Variants in MYOG observed in about 807,000 individuals in gnomAD.
MYOG encodes the protein myogenin.
Under a neutral mutation model 17.7 loss-of-function variants are expected in MYOG, and 6 were observed. The observed-to-expected ratio is 0.34, with a 90% CI of 0.19 to 0.67. MYOG has a LOEUF of 0.67. MYOG is among the 30% of genes least tolerant of loss of function. The pLI is 0.69. For missense variants in MYOG, 272 were observed against 302.0 expected, an observed-to-expected ratio of 0.90 and a Z score of 0.74; for synonymous variants, 125 against 130.2, an observed-to-expected ratio of 0.96 and a Z score of 0.27.
At position 203,083,296 on chromosome 1, in the gene MYOG, G is replaced by T; in HGVS notation, c.*614C>A. The T allele has an allele frequency of 5.8e-6, 1 of 170,996 alleles. No homozygotes were observed. The highest frequency in any genetic ancestry group is 2.0e-4 in the South Asian group (1 of 4,944). The allele number at this position is 170,996 out of a possible 1,614,324, so 10.6% of individuals were successfully genotyped here. ...CAACCCCTTTTCCCTGCCTGTCCCC[G>T]GCAACTTCAGCACAGGAGACCTTGG... On this transcript the variant is annotated 3_prime_UTR_variant, in exon 3 of 3. Coordinates refer to ENST00000241651, the MANE Select transcript of MYOG (RefSeq NM_002479.6).
chr1:203,084,195 AGT>A (rs3835486), intron 2 of MYOG, among the ~76,000 whole-genome samples, 164 bp from the exon 3 acceptor site: 3,228 of 135,430 alleles, frequency 0.024, 116 homozygotes, highest in African/African-American at 0.077. Context: ...ATGCTCTGTG[AGT>A]GTGTGTGTGT....
At position 203,083,284 on chromosome 1, in the gene MYOG, C is replaced by T. The variant is rs1653533172; in HGVS notation, c.*626G>A. On this transcript the variant is annotated 3_prime_UTR_variant, in exon 3 of 3. Transcript: ENST00000241651. ...CCCAAGAGGCCCCAACCCCTTTTCC[C>T]TGCCTGTCCCCGGCAACTTCAGCAC... 2 of 171,098 alleles carry T rather than the reference C, an allele frequency of 1.2e-5. No homozygotes were observed. Among genetic ancestry groups the T allele is most frequent in the Admixed American group, 6.3e-5 (1 of 15,786 alleles). 10.6% of individuals were successfully genotyped at this position (171,098 alleles called of 1,614,324 possible). A position where few individuals can be genotyped will look rare whatever the true frequency, so the allele number is the denominator to read the frequency against.
intron 1 of MYOG, among the ~76,000 whole-genome samples, chr1:203,085,217 G>C (rs1484410172): frequency 6.6e-6 from 1 of 152,206 alleles, no homozygotes; most frequent in Non-Finnish European, 1.5e-5. Context: ...TGGGCTGACT[G>C]TGGCCTTGCT....
chr1:203,085,461 TTGGGGCAGGGGGATGGGA>T lies in MYOG; in HGVS notation c.471+12_471+29del. The T allele has an allele frequency of 6.3e-7, 1 of 1,579,730 alleles. No individual in the cohort carries two copies. Among genetic ancestry groups the T allele is most frequent in the South Asian group, 1.1e-5 (1 of 87,634 alleles). ...GGTGCCTCCCTCTGGCCCCGTCCCC[TTGGGGCAGGGGGATGGGA>T]TGGCCACTTACCCCTGGCTGGGGCC... On this transcript the variant is annotated intron_variant, in intron 1 of 2. Coordinates refer to ENST00000241651, the MANE Select transcript of MYOG (RefSeq NM_002479.6).
rs202074809 is a variant in MYOG, at chr1:203,084,739, G to A, written c.472-11C>T. ...GCATTCGCTGGGCACCTGCAAGACA[G>A]GGCGAAGGCCCAAGGTCGGGGCACA... On this transcript the variant is annotated splice_polypyrimidine_tract_variant and intron_variant, in intron 1 of 2. Coordinates refer to ENST00000241651, the MANE Select transcript of MYOG (RefSeq NM_002479.6). The A allele has an allele frequency of 2.6e-5, 41 of 1,601,674 alleles. No individual in the cohort carries two copies. In the East Asian group the frequency reaches 8.6e-4, roughly 34 times the overall value.
rs76972905 is a variant in MYOG, at chr1:203,083,569, G to A, written c.*341C>T. The A allele has an allele frequency of 3.8e-6, 2 of 524,240 alleles. No individual in the cohort carries two copies. Among genetic ancestry groups the A allele is most frequent in the South Asian group, 3.6e-5 (1 of 27,796 alleles). 32.5% of individuals were successfully genotyped at this position (524,240 alleles called of 1,614,324 possible). A position where few individuals can be genotyped will look rare whatever the true frequency, so the allele number is the denominator to read the frequency against. ...CTGCGTCTCTCAAACCGTTTCACTT[G>A]GGGGGTGGAATTAGAGGCCGCGTTA... On this transcript the variant is annotated 3_prime_UTR_variant, in exon 3 of 3. Coordinates refer to ENST00000241651, the MANE Select transcript of MYOG (RefSeq NM_002479.6).
At chr1:203,084,617 A>T (rs776855561) in intron 2 of MYOG, 30 bp downstream of exon 2, 1 of 1,583,064 alleles carries the variant, frequency 6.3e-7, no homozygotes, top group Admixed American at 1.7e-5. Flanking sequence ...GAGGGATTGG[A>T]GCCAAGGTTA....
intron 2 of MYOG, 138 bp downstream of exon 2, chr1:203,084,509 T>G: frequency 1.3e-6 from 1 of 743,400 alleles, no homozygotes; most frequent in Non-Finnish European, 2.3e-6. Context: ...AGCCCACCCT[T>G]TGGGCCTTGG....
chr1:203,084,668 C>T lies in MYOG; in HGVS notation c.532G>A (p.Glu178Lys), dbSNP rs780933425. ...SCSPEWGSALEFSANPGDHLL... is the reference protein window; with the variant it reads ...SCSPEWGSALKFSANPGDHLL... ...TTACCCCCTGGGTTGGCGCTGAACTCCAGTGCACTGCCCCACTCTGGACTG... is the reference window on the plus strand; with the variant it reads ...TTACCCCCTGGGTTGGCGCTGAACTTCAGTGCACTGCCCCACTCTGGACTG... Residue 178 changes from glutamate (E) to lysine (K), a missense_variant, in exon 2 of 3, where the codon GAG (glutamate) becomes AAG (lysine). Glu to Lys is a moderately conservative substitution (Grantham distance 56). Coordinates refer to ENST00000241651, the MANE Select transcript of MYOG (RefSeq NM_002479.6). 10 of 1,611,398 alleles carry T rather than the reference C, an allele frequency of 6.2e-6. No individual in the cohort carries two copies. In the South Asian group the frequency reaches 1.1e-4, roughly 18 times the overall value.
chr1:203,085,548 G>A lies in MYOG; in HGVS notation c.414C>T (p.Ser138=). 1.2e-6 allele frequency: 2 copies of A among 1,614,158 alleles called. No homozygotes were observed. The highest frequency in any genetic ancestry group is 1.1e-5 in the South Asian group (1 of 91,088). Residue 138 remains serine, a synonymous_variant, in exon 1 of 3, where the codon TCC becomes TCT. Coordinates refer to ENST00000241651, the MANE Select transcript of MYOG (RefSeq NM_002479.6). The part of the protein sequence containing the change: ...YIERLQALLS[S]LNQEERDLRY... ...GGAGGTCACGCTCCTCCTGGTTGAGGGAGCTGAGCAGGGCCTGGAGGCGCT... is the reference window on the plus strand; with the variant it reads ...GGAGGTCACGCTCCTCCTGGTTGAGAGAGCTGAGCAGGGCCTGGAGGCGCT...
At chr1:203,084,261 T>C (rs1344132875) in intron 2 of MYOG, among the ~76,000 whole-genome samples, 1 of 146,996 alleles carries the variant, frequency 6.8e-6, no homozygotes, top group East Asian at 2.0e-4. Flanking sequence ...ACTCCCCTAG[T>C]AGGTAGGGTT....
At position 203,085,731 on chromosome 1, in the gene MYOG, C is replaced by G; in HGVS notation, c.231G>C (p.Ser77=). The change falls in exon 1 of 3, where the codon TCG becomes TCC. Residue 77 remains serine (S), a synonymous_variant. Transcript: ENST00000241651. ...CCGCCCGCCGCCGGTCCACGGACACCGACTTCCTCTTACACACCTTACACG... is the reference window on the plus strand; with the variant it reads ...CCGCCCGCCGCCGGTCCACGGACACGGACTTCCTCTTACACACCTTACACG... ...PWACKVCKRK[S]VSVDRRRAAT... is the part of the protein sequence containing the mutation. The G allele has an allele frequency of 1.2e-6, 2 of 1,614,112 alleles. No individual in the cohort carries two copies. Among genetic ancestry groups the G allele is most frequent in the Non-Finnish European group, 8.5e-7 (1 of 1,180,000 alleles).
chr1:203,085,720 T>A lies in MYOG; in HGVS notation c.242A>T (p.Asp81Val). ...CCTCAGTGTGGCCGCCCGCCGCCGG[T>A]CCACGGACACCGACTTCCTCTTACA... ...KVCKRKSVSVDRRRAATLREK... is the reference protein window; with the variant it reads ...KVCKRKSVSVVRRRAATLREK... Residue 81 changes from aspartate to valine, a missense_variant, in exon 1 of 3, where the codon GAC becomes GTC. By Grantham distance (152) the Asp-to-Val change is radical. Coordinates refer to ENST00000241651, the MANE Select transcript of MYOG (RefSeq NM_002479.6). 6.2e-7 allele frequency: 1 copy of A among 1,614,106 alleles called. No homozygotes were observed. Among genetic ancestry groups the A allele is most frequent in the Non-Finnish European group, 8.5e-7 (1 of 1,179,996 alleles).
rs1571761514 is a variant in MYOG at position 203,084,672 on chromosome 1, T to G, written c.528A>C (p.Ala176=). The G allele has an allele frequency of 1.2e-5, 20 of 1,611,448 alleles. No individual in the cohort carries two copies. The East Asian group carries it at 4.2e-4, about 34-fold the overall frequency. Residue 176 remains alanine, a synonymous_variant, in exon 2 of 3, where the codon GCA becomes GCC. Transcript: ENST00000241651. The part of the protein sequence containing the change: ...SASCSPEWGS[A]LEFSANPGDH... The stretch of plus-strand genomic sequence containing the variant: ...CCCCTGGGTTGGCGCTGAACTCCAG[T>G]GCACTGCCCCACTCTGGACTGCAGG...
chr1:203,083,485 C>T lies in MYOG; in HGVS notation c.*425G>A. ...CAATTCAGGGCAGGCCCAGCCCAGC[C>T]ACTGGCATCGGGAAGAGACCAGAAC... On this transcript the variant is annotated 3_prime_UTR_variant, in exon 3 of 3. Coordinates refer to ENST00000241651, the MANE Select transcript of MYOG (RefSeq NM_002479.6). 2.4e-6 allele frequency: 1 copy of T among 417,686 alleles called. No individual in the cohort carries two copies. Among genetic ancestry groups the T allele is most frequent in the Non-Finnish European group, 4.2e-6 (1 of 236,346 alleles). 25.9% of individuals were successfully genotyped at this position (417,686 alleles called of 1,614,324 possible).
Position 203,084,050 on chromosome 1 carries a change from A to G in MYOG, c.554-19T>C, listed in dbSNP as rs1287466199. On this transcript the variant is annotated intron_variant, in intron 2 of 2. Coordinates refer to ENST00000241651, the MANE Select transcript of MYOG (RefSeq NM_002479.6). ...AGATGATCTGTAAGGGGAGGTGGGA[A>G]GGTGGTACCTGGGTGAGCAGTGGGG... 3 of 1,591,832 alleles carry G rather than the reference A, an allele frequency of 1.9e-6. No homozygotes were observed. Among genetic ancestry groups the G allele is most frequent in the East Asian group, 4.5e-5 (2 of 44,258 alleles).
At position 203,083,957 on chromosome 1, in the gene MYOG, C is replaced by T. The variant is rs1050581701; in HGVS notation, c.628G>A (p.Val210Met). 1.9e-6 allele frequency: 3 copies of T among 1,591,866 alleles called. No individual in the cohort carries two copies. The African/African-American group carries it at 4.0e-5, about 21-fold the overall frequency. ...SLTSIVDSITVEDVSVAFPDE... is the reference protein window; with the variant it reads ...SLTSIVDSITMEDVSVAFPDE... ...GGGAAGGCCACAGACACATCTTCCA[C>T]TGTGATGCTGTCCACGATGGAGGTG... The change falls in exon 3 of 3, where the codon GTG becomes ATG. Residue 210 changes from valine to methionine, a missense_variant. By Grantham distance (21) the Val-to-Met change is conservative (BLOSUM62 1). Transcript: ENST00000241651.
rs1237948645 is a variant in MYOG at position 203,085,748 on chromosome 1, C to A, written c.214G>T (p.Val72Leu). Reference protein sequence around the residue: ...PGQCLPWACKVCKRKSVSVDR... With the variant: ...PGQCLPWACKLCKRKSVSVDR... Reference sequence around the variant, plus strand: ...ACGGACACCGACTTCCTCTTACACACCTTACACGCCCACGGCAGGCACTGG... The same window carrying A: ...ACGGACACCGACTTCCTCTTACACAACTTACACGCCCACGGCAGGCACTGG... The change falls in exon 1 of 3, where the codon GTG becomes TTG. Residue 72 changes from valine to leucine, a missense_variant. Physicochemically the swap from Val to Leu is conservative, Grantham distance 32. Coordinates refer to ENST00000241651, the MANE Select transcript of MYOG (RefSeq NM_002479.6). 6.2e-7 allele frequency: 1 copy of A among 1,614,118 alleles called. No individual in the cohort carries two copies. The highest frequency in any genetic ancestry group is 8.5e-7 in the Non-Finnish European group (1 of 1,179,994).
chr1:203,084,081 T>G, intron 2 of MYOG, 50 bp from the exon 3 acceptor site: 1 of 1,572,608 alleles, frequency 6.4e-7, no homozygotes, highest in Non-Finnish European at 8.6e-7. Context: ...TGGGGGTTCT[T>G]GAGGCCCAGA....
Sources: gnomAD v4.1 joint callset for allele counts (sites outside exome capture counted in the v4.1 genomes callset) on GRCh38, gnomAD v4.1.1 for gene constraint, MANE v1.5 for transcripts, NCBI Gene and HGNC (gene_info 2026-07-23, HGNC 2026-07-21) for gene names.